ATP11C: variants seen among roughly 807,000 people sequenced by gnomAD.
ATP11C encodes ATPase phospholipid transporting 11C (ATP11C blood group).
A neutral mutation model predicts 97.4 loss-of-function variants in ATP11C; 36 were observed. The ratio of observed to expected loss-of-function variants is 0.37; its 90% CI spans 0.28 to 0.49. The LOEUF (loss-of-function observed/expected upper bound fraction) is 0.49, where lower values mean the gene tolerates loss of function less well. Among genes scored for constraint, ATP11C ranks in the 20% least tolerant of loss-of-function variants. ATP11C has a pLI of 0.98. For synonymous variants in ATP11C, 275 were observed against 290.9 expected (o/e 0.95, Z 0.56); for missense variants, 730 against 824.6 (o/e 0.89, Z 1.40).
At chrX:139,861,345 G>C (rs1179454217) in intron 1 of ATP11C, among the ~76,000 whole-genome samples, 1 of 111,977 alleles carries the variant, frequency 8.9e-6, no homozygotes, top group Non-Finnish European at 1.9e-5. Context: ...GTCAGGTTCA[G>C]GAGATACAAA....
chrX:139,917,284 G>A (rs2085169040), intron 1 of ATP11C, among the ~76,000 whole-genome samples: 1 of 111,858 alleles, frequency 8.9e-6, no homozygotes, highest in Admixed American at 9.6e-5. Context: ...GTGATTTCAT[G>A]GATATGACAT....
At chrX:139,796,650 C>T (rs902740371) in intron 11 of ATP11C, among the ~76,000 whole-genome samples, 180 bp from the exon 12 acceptor site, 1 of 112,084 alleles carries the variant, frequency 8.9e-6, no homozygotes, top group Admixed American at 9.4e-5. Context: ...TATGTGAGAA[C>T]ATTTAAGAAC....
chrX:139,870,242 A>G (rs974835725), intron 1 of ATP11C, among the ~76,000 whole-genome samples: 4 of 112,251 alleles, frequency 3.6e-5, no homozygotes, highest in Admixed American at 1.9e-4. Context: ...AAATTTTTTA[A>G]AAGAGTACCT....
At chrX:139,886,603 A>G (rs993673571) in intron 1 of ATP11C, among the ~76,000 whole-genome samples, 1 of 106,009 alleles carries the variant, frequency 9.4e-6, no homozygotes, top group Non-Finnish European at 1.9e-5. Context: ...AAAAAAAAAA[A>G]GCACCAGTTA....
At chrX:139,918,003 T>C (rs185325096) in intron 1 of ATP11C, among the ~76,000 whole-genome samples, 1 of 91,210 alleles carries the variant, frequency 1.1e-5, no homozygotes, top group African/African-American at 4.3e-5. Flanking sequence ...ATAAAAAATA[T>C]AGCAATTGTT....
chrX:139,883,461 T>C (rs1013886085), intron 1 of ATP11C, among the ~76,000 whole-genome samples: 2 of 111,454 alleles, frequency 1.8e-5, no homozygotes, highest in Admixed American at 1.9e-4. Flanking sequence ...ATCCTAACTG[T>C]GGGACAAAGG....
At chrX:139,913,895 T>G (rs2085115768) in intron 1 of ATP11C, among the ~76,000 whole-genome samples, 2 of 111,529 alleles carry the variant, frequency 1.8e-5, no homozygotes, top group Admixed American at 1.9e-4. Flanking sequence ...GTATATAAAA[T>G]TCAGTTCAAA....
chrX:139,814,389 G>A (rs2083240803), intron 5 of ATP11C, among the ~76,000 whole-genome samples: 1 of 111,629 alleles, frequency 9.0e-6, no homozygotes, highest in Non-Finnish European at 1.9e-5. Flanking sequence ...TTCCTCCTAG[G>A]TATATACCTC....
intron 29 of ATP11C, among the ~76,000 whole-genome samples, chrX:139,730,189 G>C: frequency 9.0e-6 from 1 of 111,557 alleles, no homozygotes; most frequent in East Asian, 2.8e-4. Context: ...TTCTATGTTA[G>C]ACATTGTAGG....
rs781564474 is a variant in ATP11C, at chrX:139,846,049, T to C, written c.28-19226A>G. On this transcript the variant is annotated intron_variant, in intron 1 of 29. Transcript: ENST00000682941. ...CACTATGATCATCCAAAAATAAGTC[T>C]GACTTATACGTTCATATTTAAAAGA... Among the ~76,000 whole-genome samples, 219 of 112,133 alleles carry C rather than the reference T, an allele frequency of 2.0e-3. 1 individual carries two copies. Among genetic ancestry groups the C allele is most frequent in the African/African-American group, 6.9e-3 (213 of 30,921 alleles).
Position 139,797,322 on chromosome X carries a change from T to C in ATP11C, c.862A>G (p.Ile288Val), listed in dbSNP as rs958565980. The C allele has an allele frequency of 1.2e-5, 14 of 1,154,262 alleles. No homozygotes were observed. Among genetic ancestry groups the C allele is most frequent in the Non-Finnish European group, 1.6e-5 (14 of 858,603 alleles). Residue 288 changes from isoleucine to valine, a missense_variant, in exon 11 of 30, where the codon ATT becomes GTT. By Grantham distance (29) the Ile-to-Val change is conservative. Coordinates refer to ENST00000682941, the MANE Select transcript of ATP11C (RefSeq NM_001353812.2). Reference sequence around the variant, plus strand: ...AAATATACAATCAGGAAAGCATTAATAGATCTGAAAAATAAGATAGCATGG... The same window carrying C: ...AAATATACAATCAGGAAAGCATTAACAGATCTGAAAAATAAGATAGCATGG... ...SQKRSAVEKSINAFLIVYLFI... is the reference protein window; with the variant it reads ...SQKRSAVEKSVNAFLIVYLFI...
Position 139,875,055 on chromosome X carries a change from T to C in ATP11C, c.28-48232A>G, listed in dbSNP as rs143342530. Among the ~76,000 whole-genome samples, 29 of 111,670 alleles carry C rather than the reference T, an allele frequency of 2.6e-4. No individual in the cohort carries two copies. In the East Asian group the frequency reaches 8.2e-3, roughly 32 times the overall value. Reference sequence around the variant, plus strand: ...CTCAATCCTCTCCATCACACCACTTTTAGTTACCCATTCATTTGGTTCCAC... The same window carrying C: ...CTCAATCCTCTCCATCACACCACTTCTAGTTACCCATTCATTTGGTTCCAC... On this transcript the variant is annotated intron_variant, in intron 1 of 29. Coordinates refer to ENST00000682941, the MANE Select transcript of ATP11C (RefSeq NM_001353812.2).
intron 1 of ATP11C, among the ~76,000 whole-genome samples, chrX:139,894,590 A>G (rs1320213229): frequency 9.0e-6 from 1 of 111,422 alleles, no homozygotes; most frequent in Non-Finnish European, 1.9e-5. Flanking sequence ...ACTATAGTTA[A>G]CAATAATCTA....
intron 23 of ATP11C, among the ~76,000 whole-genome samples, chrX:139,752,064 CTT>C (rs2081829622): frequency 9.0e-6 from 1 of 111,473 alleles, no homozygotes. Context: ...TCCTGGTACT[CTT>C]TTACCTTCCT....
intron 20 of ATP11C, among the ~76,000 whole-genome samples, chrX:139,766,673 G>A (rs2082144882): frequency 9.0e-6 from 1 of 111,599 alleles, no homozygotes; most frequent in Admixed American, 9.5e-5. Context: ...CCATCCCCTT[G>A]TTTAGAGGAA....
chrX:139,744,831 T>C lies in ATP11C; in HGVS notation c.2964+891A>G, dbSNP rs150500374. 2.6e-3 allele frequency among the ~76,000 whole-genome samples: 286 copies of C among 111,879 alleles called. 2 individuals are homozygous for C. Among genetic ancestry groups the C allele is most frequent in the African/African-American group, 7.5e-3 (231 of 30,860 alleles). On this transcript the variant is annotated intron_variant, in intron 25 of 29. Transcript: ENST00000682941. ...ATGATTAATAATTTTCATGGATTCA[T>C]ACTAAACTGATTTTTGTTAGTCCAA...
At chrX:139,833,793 A>AT (rs1232737962) in intron 1 of ATP11C, among the ~76,000 whole-genome samples, 7 of 108,680 alleles carry the variant, frequency 6.4e-5, no homozygotes, top group African/African-American at 1.0e-4. Flanking sequence ...TATTATTTAC[A>AT]TTTTTTTTTT....
intron 1 of ATP11C, among the ~76,000 whole-genome samples, chrX:139,861,771 C>A (rs768443977): frequency 1.4e-5 from 1 of 71,855 alleles, no homozygotes; most frequent in Non-Finnish European, 2.2e-5. Flanking sequence ...TCCTGTTATA[C>A]ACACACACAC....
intron 15 of ATP11C, among the ~76,000 whole-genome samples, chrX:139,785,630 C>T (rs1245481742): frequency 8.9e-6 from 1 of 111,819 alleles, no homozygotes; most frequent in African/African-American, 3.2e-5. Context: ...ATTATTTTAG[C>T]AGCATTTATG....
Sources: allele counts gnomAD v4.1 joint callset (sites outside exome capture counted in the v4.1 genomes callset), GRCh38; gene constraint gnomAD v4.1.1; transcripts MANE v1.5; gene names NCBI Gene and HGNC (gene_info 2026-07-23, HGNC 2026-07-21).